PHTF2: variants seen among roughly 807,000 people sequenced by gnomAD.
The protein encoded by PHTF2 is putative homeodomain transcription factor 2.
PHTF2 carries 60 observed loss-of-function variants against 101.2 expected under a neutral mutation model. The observed-to-expected ratio is 0.59, with a 90% CI of 0.48 to 0.73. PHTF2 has a LOEUF of 0.73. Ranked by LOEUF, PHTF2 falls within the 30% of genes least tolerant of loss-of-function variation. The probability of loss-of-function intolerance (pLI) is 0.00; values close to 1 mark genes in which losing one functional copy is unlikely to be tolerated. For synonymous variants in PHTF2, 311 were observed against 307.3 expected, an observed-to-expected ratio of 1.01 and a Z score of -0.13; for missense variants, 747 against 908.7, an observed-to-expected ratio of 0.82 and a Z score of 2.29.
chr7:77,946,528 T>C (rs190692766), intron 16 of PHTF2, among the ~76,000 whole-genome samples: 1 of 152,374 alleles, frequency 6.6e-6, no homozygotes, highest in East Asian at 1.9e-4. Context: ...ACAGACACAT[T>C]ATTTAAAATA....
intron 3 of PHTF2, among the ~76,000 whole-genome samples, chr7:77,867,603 G>A (rs1470601380): frequency 6.6e-6 from 1 of 152,178 alleles, no homozygotes; most frequent in African/African-American, 2.4e-5. Flanking sequence ...GGCATTTGAG[G>A]AGTAAAAAGC....
At chr7:77,815,165 T>G (rs1031593696) in intron 1 of PHTF2, among the ~76,000 whole-genome samples, 1 of 152,152 alleles carries the variant, frequency 6.6e-6, no homozygotes, top group African/African-American at 2.4e-5. Context: ...GACCCTTGTT[T>G]ATGGTATAAT....
intron 6 of PHTF2, among the ~76,000 whole-genome samples, chr7:77,901,438 G>T (rs1255984986): frequency 6.8e-6 from 1 of 146,096 alleles, no homozygotes; most frequent in Non-Finnish European, 1.5e-5. Flanking sequence ...ACCCTGGGCA[G>T]CAGAGTGAGA....
chr7:77,954,646 A>ATATATATATATATATATATT (rs567176874), intron 19 of PHTF2, among the ~76,000 whole-genome samples: 1 of 142,938 alleles, frequency 7.0e-6, no homozygotes, highest in African/African-American at 2.6e-5. Context: ...ATATATATAT[A>ATATATATATATATATATATT]GCCACTTCTC....
In PHTF2 at chr7:77,904,190, A is replaced by G. The variant is rs190699581; in HGVS notation, c.445+2270A>G. On this transcript the variant is annotated intron_variant, in intron 7 of 19. Coordinates refer to ENST00000416283, the Ensembl canonical transcript of PHTF2. ...AAATCCCTCCTTGAATTTCTATCCC[A>G]CCTTAACCAGGCTAAACTAGCTCTT... Among the ~76,000 whole-genome samples, 213 of 152,182 alleles carry G rather than the reference A, an allele frequency of 1.4e-3. 3 individuals are homozygous for G. Among genetic ancestry groups the G allele is most frequent in the South Asian group, 0.013 (64 of 4,826 alleles).
chr7:77,837,836 T>C (rs1449027585), intron 1 of PHTF2, among the ~76,000 whole-genome samples: 1 of 152,128 alleles, frequency 6.6e-6, no homozygotes, highest in Non-Finnish European at 1.5e-5. Flanking sequence ...ATTTAAATAT[T>C]CCCTAAATAT....
At chr7:77,808,554 C>A (rs1793167960) in intron 1 of PHTF2, among the ~76,000 whole-genome samples, 1 of 152,170 alleles carries the variant, frequency 6.6e-6, no homozygotes, top group Admixed American at 6.5e-5. Flanking sequence ...TTTGGTGATT[C>A]TTTCCCTTGC....
At chr7:77,900,689 T>C (rs766058322) in intron 5 of PHTF2, 22 bp from the exon 5 acceptor site, 21 of 1,234,584 alleles carry the variant, frequency 1.7e-5, no homozygotes, top group Non-Finnish European at 2.5e-5. Flanking sequence ...ACAATTCCAA[T>C]GCTTCTTTTG....
At chr7:77,856,341 A>T (rs952724936) in intron 3 of PHTF2, among the ~76,000 whole-genome samples, 3 of 151,916 alleles carry the variant, frequency 2.0e-5, no homozygotes, top group African/African-American at 2.4e-5. Flanking sequence ...ATAAATTTTT[A>T]AAAATTTTTA....
intron 1 of PHTF2, among the ~76,000 whole-genome samples, chr7:77,832,391 G>A (rs1430860195): frequency 6.6e-6 from 1 of 152,170 alleles, no homozygotes; most frequent in Non-Finnish European, 1.5e-5. Flanking sequence ...CCCCGAACTG[G>A]GAAGTAATGG....
At chr7:77,908,064 C>T (rs984857892) in intron 7 of PHTF2, 2 of 151,990 alleles carry the variant, frequency 1.3e-5, no homozygotes, top group Non-Finnish European at 2.9e-5. Context: ...CTATATTAGT[C>T]CCTGAAAAAG....
intron 9 of PHTF2, among the ~76,000 whole-genome samples, chr7:77,913,127 C>T (rs1009128147): frequency 4.6e-5 from 7 of 152,028 alleles, no homozygotes; most frequent in Non-Finnish European, 1.0e-4. Flanking sequence ...GTGGCTCATG[C>T]CTGTAATCCC....
intron 2 of PHTF2, among the ~76,000 whole-genome samples, chr7:77,846,921 G>A (rs933903577): frequency 3.3e-5 from 5 of 152,198 alleles, no homozygotes; most frequent in African/African-American, 1.2e-4. Flanking sequence ...GACATTGCAG[G>A]CATGAGCCTG....
intron 3 of PHTF2, among the ~76,000 whole-genome samples, chr7:77,856,766 T>C (rs925609385): frequency 1.3e-5 from 2 of 152,120 alleles, no homozygotes; most frequent in Non-Finnish European, 2.9e-5. Flanking sequence ...GTATTATAAA[T>C]AATCTAGAGA....
At chr7:77,829,750 A>G (rs1211459943) in intron 1 of PHTF2, among the ~76,000 whole-genome samples, 1 of 152,204 alleles carries the variant, frequency 6.6e-6, no homozygotes, top group Non-Finnish European at 1.5e-5. Context: ...ACTGAGTTAT[A>G]TTTAACTTTA....
chr7:77,951,328 A>G (rs1297559918), intron 17 of PHTF2, among the ~76,000 whole-genome samples: 2 of 152,158 alleles, frequency 1.3e-5, no homozygotes, highest in South Asian at 2.1e-4. Context: ...TATTCTAATT[A>G]TTATTTATTT....
chr7:77,905,322 C>T (rs111246823), intron 7 of PHTF2, among the ~76,000 whole-genome samples: 8,761 of 152,050 alleles, frequency 0.058, 565 homozygotes, highest in African/African-American at 0.16. Context: ...AACTCCCGGG[C>T]ACAAACAATC....
chr7:77,822,381 C>T (rs1361375694), intron 1 of PHTF2, among the ~76,000 whole-genome samples: 1 of 152,104 alleles, frequency 6.6e-6, no homozygotes, highest in African/African-American at 2.4e-5. Context: ...GAGCAGGGTG[C>T]ACTCCAGAGG....
chr7:77,916,448 C>T (rs1311968005), intron 9 of PHTF2, among the ~76,000 whole-genome samples: 2 of 152,096 alleles, frequency 1.3e-5, no homozygotes. Context: ...AAAACTAAAC[C>T]TGCCTGGAGC....
Sources: allele counts gnomAD v4.1 joint callset (sites outside exome capture counted in the v4.1 genomes callset), GRCh38; gene constraint gnomAD v4.1.1; transcripts MANE v1.5; gene names NCBI Gene and HGNC (gene_info 2026-07-23, HGNC 2026-07-21).